The following CCDC7 variants were observed in gnomAD, a reference collection of about 807,000 sequenced individuals.
The protein encoded by CCDC7 is coiled-coil domain containing 7.
CCDC7 carries 183 observed loss-of-function variants against 196.9 expected under a neutral mutation model. The ratio of observed to expected loss-of-function variants is 0.93; its 90% confidence interval spans 0.82 to 1.05. CCDC7 has a LOEUF of 1.05. CCDC7 is among the 50% of genes least tolerant of loss of function. The pLI is 0.00. For synonymous variants in CCDC7, 525 were observed against 484.6 expected, an observed-to-expected ratio of 1.08 and a Z score of -1.10; for missense variants, 1,540 against 1,482.2, an observed-to-expected ratio of 1.04 and a Z score of -0.64.
At chr10:32,737,007 C>A (rs1012561372) in intron 28 of CCDC7, among the ~76,000 whole-genome samples, 1 of 151,954 alleles carries the variant, frequency 6.6e-6, no homozygotes, top group African/African-American at 2.4e-5. Context: ...TGCAGATATT[C>A]TTTATGAAAT....
chr10:32,863,209 A>G (rs1269168826), intron 41 of CCDC7, among the ~76,000 whole-genome samples: 1 of 152,156 alleles, frequency 6.6e-6, no homozygotes, highest in Non-Finnish European at 1.5e-5. Context: ...TACAGATAAA[A>G]GGTAAAAACA....
intron 25 of CCDC7, among the ~76,000 whole-genome samples, chr10:32,716,654 A>G (rs1046156607): frequency 2.0e-5 from 3 of 152,202 alleles, no homozygotes; most frequent in Non-Finnish European, 2.9e-5. Context: ...AGGAGATCCA[A>G]TTCATATGCA....
chr10:32,518,056 T>G, intron 10 of CCDC7, 81 bp downstream of exon 11: 1 of 1,445,206 alleles, frequency 6.9e-7, no homozygotes, highest in East Asian at 2.6e-5. Flanking sequence ...GGATACATAA[T>G]CCTATATAAA....
At chr10:32,462,861 C>T (rs1374660240) in intron 4 of CCDC7, 156 bp from the exon 6 acceptor site, 2 of 1,294,586 alleles carry the variant, frequency 1.5e-6, no homozygotes, top group Non-Finnish European at 2.1e-6. Flanking sequence ...AGTGCATTAG[C>T]CCCATTCTGA....
intron 9 of CCDC7, 125 bp from the exon 11 acceptor site, chr10:32,517,820 G>A (rs2047269792): frequency 1.1e-6 from 1 of 925,424 alleles, no homozygotes; most frequent in Non-Finnish European, 1.6e-6. Context: ...TGCAAGGGAG[G>A]GCAGAATAAA....
chr10:32,467,966 C>T (rs186912265), intron 5 of CCDC7, among the ~76,000 whole-genome samples: 7 of 152,200 alleles, frequency 4.6e-5, no homozygotes, highest in Admixed American at 6.5e-5. Context: ...GTGCCAGTAC[C>T]GTGCTATTTT....
intron 28 of CCDC7, among the ~76,000 whole-genome samples, chr10:32,752,288 C>T (rs2075781389): frequency 6.6e-6 from 1 of 152,102 alleles, no homozygotes; most frequent in African/African-American, 2.4e-5. Context: ...TGCACATTTA[C>T]ATGGGGGATG....
intron 11 of CCDC7, among the ~76,000 whole-genome samples, chr10:32,527,683 G>A (rs947158114): frequency 6.6e-6 from 1 of 152,108 alleles, no homozygotes; most frequent in African/African-American, 2.4e-5. Flanking sequence ...TCATAATGAT[G>A]CAGATGTGCG....
At chr10:32,719,035 T>C (rs1245974618) in intron 25 of CCDC7, among the ~76,000 whole-genome samples, 1 of 152,146 alleles carries the variant, frequency 6.6e-6, no homozygotes, top group Non-Finnish European at 1.5e-5. Flanking sequence ...TTAAGTTTCA[T>C]ATGGAACCAA....
intron 14 of CCDC7, 136 bp from the exon 16 acceptor site, chr10:32,567,534 C>T (rs1376326545): frequency 6.0e-6 from 6 of 1,007,226 alleles, no homozygotes; most frequent in African/African-American, 1.6e-5. Context: ...CAATAGCTTA[C>T]CTTTGCTCCC....
At chr10:32,447,199 T>C (rs1241536076), upstream of CCDC7, among the ~76,000 whole-genome samples, 1 of 152,190 alleles carries the variant, frequency 6.6e-6, no homozygotes, top group Non-Finnish European at 1.5e-5. Flanking sequence ...ATCATTCTAC[T>C]GAAATTGTTG....
chr10:32,636,788 C>G (rs1200731641), intron 20 of CCDC7, among the ~76,000 whole-genome samples: 2 of 152,148 alleles, frequency 1.3e-5, no homozygotes, highest in Non-Finnish European at 2.9e-5. Flanking sequence ...GTTCCAGATC[C>G]CTGAAGAATC....
chr10:32,694,164 T>C (rs2077409160), intron 23 of CCDC7, among the ~76,000 whole-genome samples: 1 of 152,218 alleles, frequency 6.6e-6, no homozygotes, highest in Non-Finnish European at 1.5e-5. Flanking sequence ...AGTTTATTCC[T>C]TGACTTAACT....
intron 21 of CCDC7, among the ~76,000 whole-genome samples, chr10:32,665,879 A>G (rs1209938597): frequency 6.6e-6 from 1 of 151,924 alleles, no homozygotes; most frequent in African/African-American, 2.4e-5. Flanking sequence ...TTCTTTTACT[A>G]ATGTTTTATA....
At chr10:32,728,815 G>T in intron 26 of CCDC7, 72 bp from the exon 28 acceptor site, 1 of 739,960 alleles carries the variant, frequency 1.4e-6, no homozygotes, top group Non-Finnish European at 2.1e-6. Context: ...ATAAAAATAA[G>T]AGAAATGTAC....
At chr10:32,460,152 A>C (rs752695336) in intron 3 of CCDC7, among the ~76,000 whole-genome samples, 1 of 152,220 alleles carries the variant, frequency 6.6e-6, no homozygotes, top group Admixed American at 6.5e-5. Flanking sequence ...AGCTCTGTAT[A>C]TAAATAATTC....
chr10:32,863,657 AGTC>A (rs1218379281), intron 41 of CCDC7, among the ~76,000 whole-genome samples: 5 of 152,006 alleles, frequency 3.3e-5, no homozygotes, highest in Admixed American at 1.3e-4. Flanking sequence ...GGGAAAGAAT[AGTC>A]TCTTCAATAA....
intron 32 of CCDC7, among the ~76,000 whole-genome samples, chr10:32,830,388 GA>G (rs111905600): frequency 2.6e-4 from 38 of 146,642 alleles, no homozygotes; most frequent in East Asian, 1.4e-3. Flanking sequence ...ATGCAAAAAA[GA>G]AAAAAAAACA....
At chr10:32,451,668 C>T (rs750068430) in exon 1 of CCDC7, 2 of 1,608,938 alleles carry the variant, frequency 1.2e-6, no homozygotes, top group Non-Finnish European at 1.7e-6. Flanking sequence ...CATCTGTTGA[C>T]CACCAGTAAC....
Sources: gnomAD v4.1 joint callset for allele counts (sites outside exome capture counted in the v4.1 genomes callset) on GRCh38, gnomAD v4.1.1 for gene constraint, MANE v1.5 for transcripts, NCBI Gene and HGNC (gene_info 2026-07-23, HGNC 2026-07-21) for gene names.